The following JMJD1C variants were observed in gnomAD, a reference collection of about 807,000 sequenced individuals.
The protein encoded by JMJD1C is jumonji domain-containing protein 1C.
JMJD1C carries 31 observed loss-of-function variants against 245.3 expected under a neutral mutation model. The observed-to-expected ratio is 0.13, with a 90% CI of 0.09 to 0.17. The LOEUF is 0.17. Among genes scored for constraint, JMJD1C ranks in the 10% least tolerant of loss-of-function variants. The probability of loss-of-function intolerance (pLI) is 1.00; values close to 1 mark genes in which losing one functional copy is unlikely to be tolerated. For missense variants in JMJD1C, 2,691 were observed against 3,000.2 expected, an observed-to-expected ratio of 0.90 and a Z score of 2.41; for synonymous variants, 1,057 against 1,017.4, an observed-to-expected ratio of 1.04 and a Z score of -0.74.
chr10:63,380,573 G>T, intron 1 of JMJD1C, 91 bp from the exon 2 acceptor site: 3 of 943,114 alleles, frequency 3.2e-6, no homozygotes, highest in African/African-American at 1.7e-5. Context: ...CATATTTATG[G>T]GGTACATATG....
At chr10:63,396,942 T>C (rs1948536856) in intron 1 of JMJD1C, among the ~76,000 whole-genome samples, 1 of 150,966 alleles carries the variant, frequency 6.6e-6, no homozygotes. Context: ...TTTTTTTTTT[T>C]TTTTGAGACA....
intron 13 of JMJD1C, among the ~76,000 whole-genome samples, chr10:63,196,561 T>C (rs554591909): frequency 2.6e-5 from 4 of 152,188 alleles, no homozygotes; most frequent in Admixed American, 6.5e-5. Flanking sequence ...AAGATACTGA[T>C]GGTTAAATCA....
intron 24 of JMJD1C, among the ~76,000 whole-genome samples, chr10:63,170,025 A>G (rs984424820): frequency 2.6e-5 from 4 of 152,150 alleles, no homozygotes; most frequent in Admixed American, 1.3e-4. Context: ...ATTTATCTGA[A>G]CTTAAGGAGA....
chr10:63,465,671 C>A lies in JMJD1C; in HGVS notation c.-9G>T. The A allele has an allele frequency of 6.2e-7, 1 of 1,607,526 alleles. No homozygotes were observed. The highest frequency in any genetic ancestry group is 1.1e-5 in the South Asian group (1 of 91,076). On this transcript the variant is annotated 5_prime_UTR_variant, in exon 1 of 26. Coordinates refer to ENST00000399262, the MANE Select transcript of JMJD1C (RefSeq NM_032776.3). The stretch of plus-strand genomic sequence containing the variant: ...CGCGTCTCTACCGCCATAGCTGTCG[C>A]TGCCGAAGCGGCCGCTGCCTCCTCC...
chr10:63,439,855 T>C (rs930089968), intron 1 of JMJD1C, among the ~76,000 whole-genome samples: 2 of 152,314 alleles, frequency 1.3e-5, no homozygotes, highest in East Asian at 3.9e-4. Context: ...TAATTTGACA[T>C]AACAAAGTTA....
chr10:63,514,799 T>C (rs1564982180), intron 1 of JMJD1C, among the ~76,000 whole-genome samples: 3 of 152,012 alleles, frequency 2.0e-5, no homozygotes, highest in African/African-American at 4.8e-5. Context: ...AAAGTAAAAA[T>C]ACGTAAAAAA....
chr10:63,378,818 A>C (rs1206864156), intron 2 of JMJD1C, among the ~76,000 whole-genome samples: 1 of 152,190 alleles, frequency 6.6e-6, no homozygotes, highest in Non-Finnish European at 1.5e-5. Context: ...GGTCTATAAA[A>C]GTTTAAAATG....
chr10:63,401,132 T>C (rs1176806147), intron 1 of JMJD1C, among the ~76,000 whole-genome samples: 1 of 152,224 alleles, frequency 6.6e-6, no homozygotes, highest in Non-Finnish European at 1.5e-5. Context: ...GTGCTGGGAC[T>C]ACAGGCGTGA....
At chr10:63,292,144 A>ATTTTTTTTTTTTCTTTTTTTTTTTTTT (rs1858841434) in intron 2 of JMJD1C, among the ~76,000 whole-genome samples, 1 of 56,326 alleles carries the variant, frequency 1.8e-5, no homozygotes, top group Non-Finnish European at 3.2e-5. Context: ...GTAGAGACAG[A>ATTTTTTTTTTTTCTTTTTTTTTTTTTT]TTTTTTTTTT....
At chr10:63,454,037 T>C (rs1202055503) in intron 1 of JMJD1C, among the ~76,000 whole-genome samples, 2 of 152,284 alleles carry the variant, frequency 1.3e-5, no homozygotes, top group East Asian at 1.9e-4. Context: ...ATTCTGTTTG[T>C]ATCATCCCAA....
chr10:63,198,834 G>C (rs1396818900), intron 11 of JMJD1C, 107 bp from the exon 12 acceptor site: 6 of 577,592 alleles, frequency 1.0e-5, no homozygotes, highest in Middle Eastern at 4.7e-4. Flanking sequence ...TATAAAATAT[G>C]AATTACATTA....
rs1280256287 is a variant in JMJD1C, at chr10:63,215,083, G to A, written c.1084C>T (p.Leu362=). Residue 362 remains leucine (L), a synonymous_variant, in exon 8 of 26, where the codon CTA becomes TTA. Transcript: ENST00000399262. ...TCAGTTCGAAGTCTTTTCATATTTA[G>A]TTTCTTTTCATCCTCCTCAGGTTTC... ...RRKPEEDEKK[L]NMKRLRTDNV... The A allele has an allele frequency of 3.4e-5, 54 of 1,595,432 alleles. No individual in the cohort carries two copies. Among genetic ancestry groups the A allele is most frequent in the Non-Finnish European group, 4.5e-5 (53 of 1,175,128 alleles).
rs200891011 is a variant in JMJD1C at position 63,209,036 on chromosome 10, A to T, written c.2867+27T>A. On this transcript the variant is annotated intron_variant, in intron 9 of 25. Transcript: ENST00000399262. ...AAGAAAAATTATGAACAAGGTATTTATAATTTTTAAGCACTGGTGAACTTA... is the reference window on the plus strand; with the variant it reads ...AAGAAAAATTATGAACAAGGTATTTTTAATTTTTAAGCACTGGTGAACTTA... 511 of 1,555,358 alleles carry T rather than the reference A, an allele frequency of 3.3e-4. 1 individual carries two copies. Among genetic ancestry groups the T allele is most frequent in the Non-Finnish European group, 3.1e-4 (350 of 1,146,258 alleles).
chr10:63,342,404 T>C (rs1396708170), intron 2 of JMJD1C, among the ~76,000 whole-genome samples: 2 of 152,246 alleles, frequency 1.3e-5, no homozygotes, highest in Non-Finnish European at 2.9e-5. Flanking sequence ...CCATTGTTAA[T>C]GAGGCAGATG....
At chr10:63,390,024 GAAAC>G (rs1340135572) in intron 1 of JMJD1C, among the ~76,000 whole-genome samples, 2 of 151,834 alleles carry the variant, frequency 1.3e-5, no homozygotes, top group African/African-American at 4.8e-5. Context: ...CAGAAGGAAA[GAAAC>G]AATTAAGATC....
At chr10:63,356,747 G>C (rs777597030) in intron 2 of JMJD1C, among the ~76,000 whole-genome samples, 1 of 152,170 alleles carries the variant, frequency 6.6e-6, no homozygotes, top group African/African-American at 2.4e-5. Flanking sequence ...GGAAGGGAAG[G>C]CAAGTCTGAG....
intron 3 of JMJD1C, among the ~76,000 whole-genome samples, chr10:63,243,033 C>T (rs1024025729): frequency 6.7e-6 from 1 of 148,512 alleles, no homozygotes; most frequent in Admixed American, 6.8e-5. Flanking sequence ...TGTTCTATTG[C>T]CAATTTCTGA....
Position 63,306,919 on chromosome 10 carries a change from C to T in JMJD1C, c.334-42155G>A, listed in dbSNP as rs145724429. Among the ~76,000 whole-genome samples the T allele has an allele frequency of 2.4e-4, 37 of 152,230 alleles. No individual in the cohort carries two copies. In the East Asian group the frequency reaches 6.0e-3, roughly 25 times the overall value. ...GGTCAATCATATCCCTCCTTATTTA[C>T]CAGGGTTAAACGTCCTGGAGTTAAC... is the stretch of plus-strand genomic sequence containing the variant. On this transcript the variant is annotated intron_variant, in intron 2 of 25. Coordinates refer to ENST00000399262, the MANE Select transcript of JMJD1C (RefSeq NM_032776.3).
At chr10:63,192,624 A>G (rs1028008567) in intron 16 of JMJD1C, among the ~76,000 whole-genome samples, 4 of 152,154 alleles carry the variant, frequency 2.6e-5, no homozygotes, top group African/African-American at 9.7e-5. Flanking sequence ...AGTATCAGCT[A>G]TTTGGGAGGC....
Sources: allele counts gnomAD v4.1 joint callset (sites outside exome capture counted in the v4.1 genomes callset), GRCh38; gene constraint gnomAD v4.1.1; transcripts MANE v1.5; gene names NCBI Gene and HGNC (gene_info 2026-07-23, HGNC 2026-07-21).